ARHGEF3: variants seen among roughly 807,000 people sequenced by gnomAD.
ARHGEF3 encodes Rho guanine nucleotide exchange factor 3.
A neutral mutation model predicts 63.2 loss-of-function variants in ARHGEF3; 28 were observed. The ratio of observed to expected loss-of-function variants is 0.44; its 90% CI spans 0.33 to 0.61. The LOEUF is 0.61. Among genes scored for constraint, ARHGEF3 ranks in the 20% least tolerant of loss-of-function variants. ARHGEF3 has a pLI of 0.03. For synonymous variants in ARHGEF3, 266 were observed against 254.2 expected (o/e 1.05, Z -0.44); for missense variants, 533 against 659.3 (o/e 0.81, Z 2.10).
intron 3 of ARHGEF3, among the ~76,000 whole-genome samples, chr3:56,918,363 G>A (rs2042037763): frequency 6.6e-6 from 1 of 152,234 alleles, no homozygotes; most frequent in African/African-American, 2.4e-5. Flanking sequence ...TATTTCTTTG[G>A]AGAGGAGGAA....
At chr3:56,984,832 G>A (rs1701470570) in intron 2 of ARHGEF3, among the ~76,000 whole-genome samples, 1 of 152,126 alleles carries the variant, frequency 6.6e-6, no homozygotes, top group African/African-American at 2.4e-5. Flanking sequence ...AAGAAAACAG[G>A]GGAGGGGAGC....
chr3:56,956,802 A>G (rs1045940271), intron 3 of ARHGEF3, among the ~76,000 whole-genome samples: 2 of 152,230 alleles, frequency 1.3e-5, no homozygotes, highest in Admixed American at 1.3e-4. Context: ...AAGGCCTTCA[A>G]AAAGGCTAAC....
chr3:56,935,011 G>A (rs2042520361), intron 3 of ARHGEF3, among the ~76,000 whole-genome samples: 2 of 152,236 alleles, frequency 1.3e-5, no homozygotes, highest in East Asian at 1.9e-4. Context: ...GTCTAGCTCA[G>A]GGTTTGTGAA....
Position 56,979,045 on chromosome 3 carries a change from A to G in ARHGEF3, c.63-20156T>C, listed in dbSNP as rs1175104571. On this transcript the variant is annotated intron_variant, in intron 2 of 12. Coordinates refer to the ARHGEF3 transcript ENST00000338458. ...GTGGCATGCACCTGTAGTCCCAACT[A>G]CTTGGAAGACTGAGGTGGGAGGATG... 2.0e-5 allele frequency among the ~76,000 whole-genome samples: 3 copies of G among 152,222 alleles called. No homozygotes were observed. In the East Asian group the frequency reaches 5.8e-4, roughly 29 times the overall value.
At chr3:57,077,355 A>G (rs1446415700) in intron 1 of ARHGEF3, among the ~76,000 whole-genome samples, 2 of 152,208 alleles carry the variant, frequency 1.3e-5, no homozygotes, top group Admixed American at 1.3e-4. Context: ...AGAAGTTCAG[A>G]GTCCACTTTT....
chr3:56,786,104 A>G (rs1450895085), intron 1 of ARHGEF3, among the ~76,000 whole-genome samples: 1 of 152,232 alleles, frequency 6.6e-6, no homozygotes, highest in Non-Finnish European at 1.5e-5. Context: ...GTCCACACTT[A>G]GAACCAGGGG....
At chr3:56,885,486 T>A (rs994019513) in intron 3 of ARHGEF3, among the ~76,000 whole-genome samples, 1 of 152,152 alleles carries the variant, frequency 6.6e-6, no homozygotes, top group African/African-American at 2.4e-5. Flanking sequence ...ACAGTTCCAT[T>A]CCTTGAGCTC....
intron 3 of ARHGEF3, among the ~76,000 whole-genome samples, chr3:56,924,115 A>T (rs1385565754): frequency 2.0e-5 from 3 of 152,236 alleles, no homozygotes; most frequent in Non-Finnish European, 4.4e-5. Context: ...AATTATAAGC[A>T]TTGACAATGG....
chr3:56,754,857 T>G, intron 3 of ARHGEF3, 124 bp downstream of exon 3: 2 of 1,323,368 alleles, frequency 1.5e-6, no homozygotes, highest in African/African-American at 1.5e-5. Context: ...GACACTCTTG[T>G]TTATCCTTCT....
chr3:56,745,512 C>G, intron 6 of ARHGEF3, 50 bp from the exon 7 acceptor site: 1 of 1,594,392 alleles, frequency 6.3e-7, no homozygotes, highest in Non-Finnish European at 8.5e-7. Flanking sequence ...TAATTGAGCT[C>G]TGAGGCTACG....
intron 2 of ARHGEF3, among the ~76,000 whole-genome samples, chr3:56,997,925 T>C (rs1286217653): frequency 2.0e-5 from 3 of 152,350 alleles, no homozygotes; most frequent in Non-Finnish European, 4.4e-5. Context: ...CATGAACGTG[T>C]GTACAGTTGA....
At chr3:56,973,109 C>G (rs1306757062) in intron 2 of ARHGEF3, among the ~76,000 whole-genome samples, 1 of 151,788 alleles carries the variant, frequency 6.6e-6, no homozygotes, top group Admixed American at 6.6e-5. Flanking sequence ...CTCCGCCTCC[C>G]GGGTTCACAC....
intron 7 of ARHGEF3, among the ~76,000 whole-genome samples, chr3:56,738,251 G>C (rs1559888830): frequency 6.6e-6 from 1 of 151,928 alleles, no homozygotes. Context: ...TGTTGGCCAG[G>C]GTGGTCTCGA....
chr3:56,902,157 C>T (rs2041529781), intron 3 of ARHGEF3, among the ~76,000 whole-genome samples: 1 of 152,186 alleles, frequency 6.6e-6, no homozygotes, highest in African/African-American at 2.4e-5. Context: ...TCACCTTGTT[C>T]ATCTTCTGCT....
intron 3 of ARHGEF3, among the ~76,000 whole-genome samples, chr3:56,942,377 T>C (rs1202409218): frequency 6.6e-6 from 1 of 152,210 alleles, no homozygotes; most frequent in African/African-American, 2.4e-5. Context: ...TCTGTTACGG[T>C]GATGTCTGAC....
intron 4 of ARHGEF3, among the ~76,000 whole-genome samples, chr3:56,876,216 G>C (rs184881149): frequency 6.6e-6 from 1 of 152,292 alleles, no homozygotes; most frequent in East Asian, 1.9e-4. Flanking sequence ...GGTTCAGGAG[G>C]TGGGCAGGGG....
chr3:56,732,015 A>G (rs1168901345), intron 9 of ARHGEF3: 5 of 612,052 alleles, frequency 8.2e-6, no homozygotes, highest in African/African-American at 3.7e-5. Flanking sequence ...CTAAATCCTT[A>G]TAACAATCTT....
chr3:57,072,726 CAA>C (rs11332171), intron 1 of ARHGEF3, among the ~76,000 whole-genome samples: 1,570 of 112,122 alleles, frequency 0.014, 14 homozygotes, highest in Non-Finnish European at 0.02. Context: ...GAGACTCTGT[CAA>C]AAAAAAAAAA....
chr3:56,827,512 A>G (rs1485790172), intron 4 of ARHGEF3, among the ~76,000 whole-genome samples: 1 of 152,126 alleles, frequency 6.6e-6, no homozygotes, highest in Non-Finnish European at 1.5e-5. Flanking sequence ...TTCACCTTGC[A>G]TGGCTGTTGC....
Sources: allele counts gnomAD v4.1 joint callset (sites outside exome capture counted in the v4.1 genomes callset), GRCh38; gene constraint gnomAD v4.1.1; transcripts MANE v1.5; gene names NCBI Gene and HGNC (gene_info 2026-07-23, HGNC 2026-07-21).